AUH: variants seen among roughly 807,000 people sequenced by gnomAD.
AUH encodes the protein methylglutaconyl-CoA hydratase, mitochondrial.
AUH carries 29 observed loss-of-function variants against 42.3 expected under a neutral mutation model. The observed-to-expected ratio is 0.69, with a 90% CI of 0.51 to 0.93. The LOEUF is 0.93. Ranked by LOEUF, AUH falls within the 40% of genes least tolerant of loss-of-function variation. The pLI, the probability that AUH is intolerant of heterozygous loss-of-function variation, is 0.00. For synonymous variants in AUH, 174 were observed against 166.4 expected (o/e 1.05, Z -0.35); for missense variants, 452 against 438.1 (o/e 1.03, Z -0.28).
chr9:91,282,492 C>T (rs141667071), intron 6 of AUH, among the ~76,000 whole-genome samples: 1 of 152,242 alleles, frequency 6.6e-6, no homozygotes, highest in Non-Finnish European at 1.5e-5. Context: ...GCACATGACT[C>T]AACAAATGTC....
chr9:91,328,319 T>G (rs1173057961), intron 3 of AUH, among the ~76,000 whole-genome samples: 1 of 152,200 alleles, frequency 6.6e-6, no homozygotes, highest in African/African-American at 2.4e-5. Context: ...CTTCCACTGT[T>G]AGCTATGATG....
intron 3 of AUH, 152 bp from the exon 4 acceptor site, chr9:91,325,556 G>T: frequency 1.4e-6 from 1 of 693,450 alleles, no homozygotes; most frequent in Non-Finnish European, 2.6e-6. Flanking sequence ...CCTTCCCAAT[G>T]ACCATGTTCA....
At chr9:91,276,480 G>A (rs1327197215) in intron 6 of AUH, among the ~76,000 whole-genome samples, 2 of 151,278 alleles carry the variant, frequency 1.3e-5, no homozygotes, top group Non-Finnish European at 2.9e-5. Context: ...CAAAAATATG[G>A]CCTATGTCTA....
At chr9:91,256,121 T>C (rs1016389738) in intron 6 of AUH, among the ~76,000 whole-genome samples, 1 of 152,194 alleles carries the variant, frequency 6.6e-6, no homozygotes, top group African/African-American at 2.4e-5. Flanking sequence ...GCTACTCCAT[T>C]AAATCAGTTA....
chr9:91,235,283 C>T (rs979154317), intron 6 of AUH, among the ~76,000 whole-genome samples: 5 of 152,032 alleles, frequency 3.3e-5, no homozygotes, highest in African/African-American at 1.2e-4. Context: ...CAGCTTGGAC[C>T]GAGACAGCGC....
intron 6 of AUH, among the ~76,000 whole-genome samples, chr9:91,234,607 C>T (rs1828073602): frequency 6.6e-6 from 1 of 151,490 alleles, no homozygotes; most frequent in South Asian, 2.1e-4. Flanking sequence ...GGAGTTTATC[C>T]GTTTTACTTT....
At chr9:91,302,185 G>C (rs1233419786) in intron 4 of AUH, among the ~76,000 whole-genome samples, 1 of 143,226 alleles carries the variant, frequency 7.0e-6, no homozygotes, top group Admixed American at 6.8e-5. Context: ...CAAAGAGGGG[G>C]CCGGGTGCAG....
At chr9:91,288,090 A>G (rs963462630) in intron 6 of AUH, among the ~76,000 whole-genome samples, 4 of 152,056 alleles carry the variant, frequency 2.6e-5, no homozygotes, top group African/African-American at 9.7e-5. Flanking sequence ...GAGCAGTGGA[A>G]ATACAAAGCA....
chr9:91,345,356 T>C (rs139155509), intron 3 of AUH, among the ~76,000 whole-genome samples: 133 of 152,196 alleles, frequency 8.7e-4, no homozygotes, highest in African/African-American at 2.9e-3. Flanking sequence ...GGTTGCAGGA[T>C]ACAAAGACAA....
intron 4 of AUH, among the ~76,000 whole-genome samples, chr9:91,323,063 C>A (rs1829705373): frequency 6.6e-6 from 1 of 152,102 alleles, no homozygotes; most frequent in Admixed American, 6.5e-5. Context: ...ATCATAATTA[C>A]TGGCAAAATA....
chr9:91,249,167 C>T (rs377134471), intron 6 of AUH, among the ~76,000 whole-genome samples: 10 of 151,512 alleles, frequency 6.6e-5, no homozygotes, highest in African/African-American at 1.9e-4. Flanking sequence ...CCTGGTGATG[C>T]ACACTTGTAG....
intron 6 of AUH, among the ~76,000 whole-genome samples, chr9:91,291,867 T>C (rs1295117625): frequency 1.4e-5 from 2 of 140,042 alleles, no homozygotes; most frequent in East Asian, 4.2e-4. Flanking sequence ...AAAGGTACCA[T>C]GAGCCAAGAT....
At chr9:91,346,715 T>C (rs1205957786) in intron 3 of AUH, among the ~76,000 whole-genome samples, 2 of 152,092 alleles carry the variant, frequency 1.3e-5, no homozygotes, top group African/African-American at 4.8e-5. Context: ...ATCCCACAAG[T>C]TAAGGGGTCC....
chr9:91,287,310 T>C (rs1255625972), intron 6 of AUH, among the ~76,000 whole-genome samples: 3 of 152,106 alleles, frequency 2.0e-5, no homozygotes, highest in Non-Finnish European at 2.9e-5. Context: ...CTCTTCTAAA[T>C]TGTCAAGATG....
intron 3 of AUH, chr9:91,342,794 T>G (rs1831203508): frequency 6.6e-6 from 1 of 152,190 alleles, no homozygotes; most frequent in Non-Finnish European, 1.5e-5. Context: ...AAAATTTAAG[T>G]GCAGCTGACC....
At chr9:91,316,729 C>A (rs781603017) in intron 4 of AUH, among the ~76,000 whole-genome samples, 1 of 152,204 alleles carries the variant, frequency 6.6e-6, no homozygotes, top group African/African-American at 2.4e-5. Flanking sequence ...CAAGGCTGTA[C>A]ATATGTATGC....
intron 4 of AUH, among the ~76,000 whole-genome samples, chr9:91,323,027 T>C (rs977335255): frequency 1.3e-5 from 2 of 152,028 alleles, no homozygotes; most frequent in African/African-American, 2.4e-5. Context: ...TCCTAACAAG[T>C]TGAAATAGAA....
intron 6 of AUH, among the ~76,000 whole-genome samples, chr9:91,246,309 T>C (rs1587684949): frequency 6.6e-6 from 1 of 152,026 alleles, no homozygotes; most frequent in Admixed American, 6.5e-5. Flanking sequence ...ACAAAAGACA[T>C]GGCATAGTTA....
chr9:91,284,743 A>C (rs1280902199), intron 6 of AUH, among the ~76,000 whole-genome samples: 1 of 152,242 alleles, frequency 6.6e-6, no homozygotes, highest in Non-Finnish European at 1.5e-5. Flanking sequence ...AGAAATGCAA[A>C]TCAAAACCAC....
Sources: gnomAD v4.1 joint callset for allele counts (sites outside exome capture counted in the v4.1 genomes callset) on GRCh38, gnomAD v4.1.1 for gene constraint, MANE v1.5 for transcripts, NCBI Gene and HGNC (gene_info 2026-07-23, HGNC 2026-07-21) for gene names.